The following TYW1 variants were observed in gnomAD, a reference collection of about 807,000 sequenced individuals.
TYW1 encodes S-adenosyl-L-methionine-dependent tRNA 4-demethylwyosine synthase TYW1.
In TYW1, 46 loss-of-function variants were observed where a neutral mutation model predicts 96.2. The observed-to-expected ratio is 0.48, with a 90% CI of 0.38 to 0.61. The LOEUF is 0.61. Among genes scored for constraint, TYW1 ranks in the 20% least tolerant of loss-of-function variants. TYW1 has a pLI of 0.00. For missense variants in TYW1, 684 were observed against 909.6 expected (o/e 0.75, Z 3.19); for synonymous variants, 274 against 323.0 (o/e 0.85, Z 1.63).
chr7:67,136,677 GTGTGTGTGTA>G (rs570146922), intron 13 of TYW1, among the ~76,000 whole-genome samples: 2,343 of 141,202 alleles, frequency 0.017, 30 homozygotes, highest in Admixed American at 0.045. Flanking sequence ...GTGTGTGTGT[GTGTGTGTGTA>G]TATATATATA....
At chr7:67,140,840 C>G (rs2116111222) in intron 13 of TYW1, among the ~76,000 whole-genome samples, 1 of 152,250 alleles carries the variant, frequency 6.6e-6, no homozygotes, top group East Asian at 1.9e-4. Context: ...AGATTAGAAG[C>G]AAACTATCCA....
chr7:67,134,025 T>A (rs1167577371), intron 13 of TYW1, among the ~76,000 whole-genome samples: 1 of 151,996 alleles, frequency 6.6e-6, no homozygotes, highest in Non-Finnish European at 1.5e-5. Flanking sequence ...CATAGCAGCA[T>A]CAACTCCAGA....
intron 13 of TYW1, among the ~76,000 whole-genome samples, chr7:67,132,825 C>T (rs933912109): frequency 3.3e-5 from 5 of 152,162 alleles, no homozygotes; most frequent in African/African-American, 1.2e-4. Context: ...TGCTAGGTAG[C>T]CTTCTATCCT....
At chr7:67,232,037 C>T (rs1388222885) in intron 15 of TYW1, among the ~76,000 whole-genome samples, 1 of 152,094 alleles carries the variant, frequency 6.6e-6, no homozygotes, top group African/African-American at 2.4e-5. Flanking sequence ...CAAGACCAGC[C>T]TGGCTAACAT....
At chr7:67,205,387 G>A (rs529405408) in intron 15 of TYW1, among the ~76,000 whole-genome samples, 39 of 128,504 alleles carry the variant, frequency 3.0e-4, no homozygotes, top group African/African-American at 2.2e-4. Context: ...GGATGGAGGC[G>A]GGGGGGGGGC....
At chr7:67,220,812 G>A (rs1359229030) in intron 15 of TYW1, among the ~76,000 whole-genome samples, 2 of 149,680 alleles carry the variant, frequency 1.3e-5, no homozygotes, top group East Asian at 2.0e-4. Context: ...ATCTCGGCTT[G>A]CCACAACCTC....
chr7:67,152,517 C>A (rs529019631), intron 13 of TYW1, among the ~76,000 whole-genome samples: 15 of 152,142 alleles, frequency 9.9e-5, no homozygotes, highest in Non-Finnish European at 1.8e-4. Context: ...CCTCCCTCAC[C>A]CCGCCACCCT....
In TYW1 at chr7:66,998,900, C is replaced by A. The variant is rs774515203; in HGVS notation, c.219C>A (p.Asp73Glu). The change falls in exon 3 of 16, where the codon GAC (aspartate) becomes GAA (glutamate). Residue 73 changes from aspartate to glutamate, a missense_variant. Coordinates refer to ENST00000359626, the MANE Select transcript of TYW1 (RefSeq NM_018264.4). ...GTTATGTCTCCCTTCAAGAGAAAGA[C>A]ATCTTTGTGTCTGGAGTGAAGATTT... ...TNGYVSLQEK[D>E]IFVSGVKIFY... 3 of 1,614,110 alleles carry A rather than the reference C, an allele frequency of 1.9e-6. No individual in the cohort carries two copies. Among genetic ancestry groups the A allele is most frequent in the Admixed American group, 3.3e-5 (2 of 60,008 alleles).
chr7:67,187,236 G>A (rs1433527343), intron 14 of TYW1, among the ~76,000 whole-genome samples: 1 of 151,860 alleles, frequency 6.6e-6, no homozygotes, highest in African/African-American at 2.4e-5. Flanking sequence ...GCCAATTTGT[G>A]TACTTTTTGT....
intron 11 of TYW1, among the ~76,000 whole-genome samples, chr7:67,098,148 A>C (rs12154876): frequency 6.6e-6 from 1 of 151,988 alleles, no homozygotes; most frequent in African/African-American, 2.4e-5. Flanking sequence ...TTACTTTCCC[A>C]GTTCAGGATA....
chr7:67,152,911 G>GT (rs1181532046), intron 13 of TYW1, among the ~76,000 whole-genome samples: 2 of 152,114 alleles, frequency 1.3e-5, no homozygotes, highest in Non-Finnish European at 2.9e-5. Flanking sequence ...ATATTCCCCA[G>GT]TTTTTTGCTG....
chr7:67,074,272 G>GT (rs998930300), intron 10 of TYW1, among the ~76,000 whole-genome samples: 4 of 152,108 alleles, frequency 2.6e-5, no homozygotes, highest in Non-Finnish European at 4.4e-5. Flanking sequence ...TTGTGTCCTA[G>GT]TTTTTCTTGT....
intron 12 of TYW1, among the ~76,000 whole-genome samples, chr7:67,109,855 G>A (rs1248997989): frequency 6.6e-6 from 1 of 152,162 alleles, no homozygotes; most frequent in Non-Finnish European, 1.5e-5. Context: ...ACCCCTGCCT[G>A]GGGGATAGAG....
At chr7:67,035,580 G>A (rs1353623029) in intron 7 of TYW1, among the ~76,000 whole-genome samples, 1 of 152,104 alleles carries the variant, frequency 6.6e-6, no homozygotes, top group Non-Finnish European at 1.5e-5. Flanking sequence ...CTCCCTGAAA[G>A]CTTTTATACT....
intron 13 of TYW1, among the ~76,000 whole-genome samples, chr7:67,169,691 T>C (rs1456985283): frequency 1.3e-5 from 2 of 152,152 alleles, no homozygotes; most frequent in African/African-American, 2.4e-5. Context: ...GAGCCACTGC[T>C]CCCAGCCTAG....
At chr7:67,135,682 G>T (rs1197094078) in intron 13 of TYW1, among the ~76,000 whole-genome samples, 1 of 151,510 alleles carries the variant, frequency 6.6e-6, no homozygotes, top group Non-Finnish European at 1.5e-5. Context: ...GTAAATAAAG[G>T]ATCTGCTCAC....
intron 13 of TYW1, among the ~76,000 whole-genome samples, chr7:67,143,408 G>T (rs911472868): frequency 6.6e-6 from 1 of 152,214 alleles, no homozygotes; most frequent in Admixed American, 6.5e-5. Flanking sequence ...GTTATTTAAT[G>T]CATACTTTAT....
intron 13 of TYW1, among the ~76,000 whole-genome samples, chr7:67,165,776 A>G (rs1423998602): frequency 3.3e-5 from 5 of 152,124 alleles, no homozygotes; most frequent in Admixed American, 6.5e-5. Flanking sequence ...AAAAAATTAC[A>G]AAAATTAGCC....
chr7:67,127,964 C>A (rs1163977017), intron 13 of TYW1, among the ~76,000 whole-genome samples: 1 of 151,872 alleles, frequency 6.6e-6, no homozygotes, highest in Non-Finnish European at 1.5e-5. Context: ...TGTCTTCTTT[C>A]TGGATTTTGT....
Sources: gnomAD v4.1 joint callset for allele counts (sites outside exome capture counted in the v4.1 genomes callset) on GRCh38, gnomAD v4.1.1 for gene constraint, MANE v1.5 for transcripts, NCBI Gene and HGNC (gene_info 2026-07-23, HGNC 2026-07-21) for gene names.